Variants in KLHL1 observed in about 807,000 individuals in gnomAD.
KLHL1 encodes the protein kelch like family member 1.
A neutral mutation model predicts 77.7 loss-of-function variants in KLHL1; 47 were observed. The ratio of observed to expected loss-of-function variants is 0.60; its 90% CI spans 0.48 to 0.77. KLHL1 has a LOEUF of 0.77. Among genes scored for constraint, KLHL1 ranks in the 30% least tolerant of loss-of-function variants. KLHL1 has a pLI of 0.00. For synonymous variants in KLHL1, 360 were observed against 325.2 expected (o/e 1.11, Z -1.15); for missense variants, 925 against 910.8 (o/e 1.02, Z -0.20).
At chr13:69,947,793 T>C (rs1268494496) in intron 3 of KLHL1, among the ~76,000 whole-genome samples, 1 of 152,172 alleles carries the variant, frequency 6.6e-6, no homozygotes, top group African/African-American at 2.4e-5. Flanking sequence ...ACCTCATGCA[T>C]GCTGTATTTC....
intron 3 of KLHL1, among the ~76,000 whole-genome samples, chr13:69,945,096 C>T (rs533746021): frequency 9.5e-4 from 142 of 149,318 alleles, no homozygotes; most frequent in Middle Eastern, 6.8e-3. Context: ...AGTGATTCTC[C>T]TGCCTCAGCC....
At chr13:70,028,663 G>A (rs1303633028) in intron 1 of KLHL1, among the ~76,000 whole-genome samples, 1 of 152,080 alleles carries the variant, frequency 6.6e-6, no homozygotes, top group African/African-American at 2.4e-5. Flanking sequence ...TTTTCAGGGA[G>A]CATTAGTGGG....
intron 9 of KLHL1, among the ~76,000 whole-genome samples, chr13:69,709,052 C>T (rs1875758837): frequency 6.6e-6 from 1 of 152,052 alleles, no homozygotes; most frequent in Non-Finnish European, 1.5e-5. Flanking sequence ...AATTTGCACA[C>T]TGTGGTTGGG....
At chr13:69,967,694 G>C (rs1159406522) in intron 2 of KLHL1, among the ~76,000 whole-genome samples, 1 of 152,072 alleles carries the variant, frequency 6.6e-6, no homozygotes, top group Non-Finnish European at 1.5e-5. Context: ...AGATCAGCCT[G>C]GCCAAGATGG....
At chr13:69,705,665 C>G (rs1054526116) in intron 10 of KLHL1, among the ~76,000 whole-genome samples, 1 of 151,556 alleles carries the variant, frequency 6.6e-6, no homozygotes, top group Non-Finnish European at 1.5e-5. Flanking sequence ...GATACAGAAG[C>G]AAAATCTTAA....
At chr13:70,057,782 C>CAAAAA (rs60920874) in intron 1 of KLHL1, among the ~76,000 whole-genome samples, 124 of 60,612 alleles carry the variant, frequency 2.0e-3, no homozygotes, top group Admixed American at 3.9e-3. Context: ...GACTCCGTCT[C>CAAAAA]AAAAAAAAAA....
chr13:70,067,518 T>C (rs1331094447), intron 1 of KLHL1, among the ~76,000 whole-genome samples: 6 of 152,088 alleles, frequency 3.9e-5, no homozygotes, highest in Admixed American at 2.6e-4. Context: ...GATACGCAGA[T>C]GATCTCAGGC....
chr13:69,855,866 T>A (rs868264207), intron 5 of KLHL1, among the ~76,000 whole-genome samples: 30 of 69,250 alleles, frequency 4.3e-4, no homozygotes, highest in Non-Finnish European at 2.0e-4. Context: ...TATAATATAT[T>A]ATATATTATA....
intron 2 of KLHL1, among the ~76,000 whole-genome samples, chr13:69,962,282 A>C (rs1025185806): frequency 6.6e-6 from 1 of 151,938 alleles, no homozygotes; most frequent in Non-Finnish European, 1.5e-5. Context: ...GTTAGAATTT[A>C]TTAATTGAGA....
intron 3 of KLHL1, among the ~76,000 whole-genome samples, chr13:69,952,405 T>G (rs936029126): frequency 2.0e-5 from 3 of 151,414 alleles, no homozygotes; most frequent in African/African-American, 7.3e-5. Context: ...TTAGAATTTC[T>G]TTATTAACTT....
At chr13:69,961,231 CG>C in intron 3 of KLHL1, 76 bp downstream of exon 3, 3 of 1,358,228 alleles carry the variant, frequency 2.2e-6, no homozygotes, top group Non-Finnish European at 3.0e-6. Context: ...TTTAAAAAAG[CG>C]TTAAATCCTG....
chr13:69,982,949 T>C (rs556425891), intron 1 of KLHL1, among the ~76,000 whole-genome samples: 7 of 152,250 alleles, frequency 4.6e-5, no homozygotes, highest in Non-Finnish European at 8.8e-5. Flanking sequence ...TATGATTTTA[T>C]ATGTAGAAAA....
At chr13:70,044,063 C>T (rs1053620079) in intron 1 of KLHL1, among the ~76,000 whole-genome samples, 1 of 152,098 alleles carries the variant, frequency 6.6e-6, no homozygotes, top group Non-Finnish European at 1.5e-5. Flanking sequence ...AATGGTTTCC[C>T]ATGGTACTTA....
chr13:69,829,083 G>GA (rs1267173841), intron 6 of KLHL1, among the ~76,000 whole-genome samples: 3 of 150,586 alleles, frequency 2.0e-5, no homozygotes, highest in Non-Finnish European at 2.9e-5. Flanking sequence ...TATATCAGCT[G>GA]ATGCTCTCTT....
At chr13:69,983,607 A>G (rs1445836097) in intron 1 of KLHL1, among the ~76,000 whole-genome samples, 2 of 110,382 alleles carry the variant, frequency 1.8e-5, no homozygotes, top group Non-Finnish European at 3.4e-5. Context: ...AGAAGAAGAG[A>G]AAAAAAAAAA....
chr13:69,989,019 G>A (rs1200942631), intron 1 of KLHL1, among the ~76,000 whole-genome samples: 4 of 151,910 alleles, frequency 2.6e-5, no homozygotes, highest in Non-Finnish European at 5.9e-5. Context: ...GCATTTTAAC[G>A]ATGAAATCTT....
chr13:69,867,495 G>A (rs1216992744), intron 5 of KLHL1, among the ~76,000 whole-genome samples: 2 of 151,862 alleles, frequency 1.3e-5, no homozygotes, highest in African/African-American at 4.8e-5. Flanking sequence ...GTAATAGAAT[G>A]TCTTTTATAT....
Position 70,082,379 on chromosome 13 carries a change from T to C in KLHL1, c.497+24824A>G, listed in dbSNP as rs556182001. ...CACACACACACACACAAAGGAACCATAGTAGGTAGTTGCTCTAGGTGGATA... is the reference window on the plus strand; with the variant it reads ...CACACACACACACACAAAGGAACCACAGTAGGTAGTTGCTCTAGGTGGATA... On this transcript the variant is annotated intron_variant, in intron 1 of 10. Coordinates refer to ENST00000377844, the MANE Select transcript of KLHL1 (RefSeq NM_020866.3). Among the ~76,000 whole-genome samples the C allele has an allele frequency of 1.3e-3, 177 of 137,614 alleles. 1 individual carries two copies. The highest frequency in any genetic ancestry group is 4.4e-3 in the African/African-American group (159 of 36,340). 90.3% of individuals were successfully genotyped at this position (137,614 alleles called of 152,430 possible).
At chr13:69,705,082 C>A (rs896185234) in intron 10 of KLHL1, among the ~76,000 whole-genome samples, 3 of 151,622 alleles carry the variant, frequency 2.0e-5, no homozygotes, top group Non-Finnish European at 4.4e-5. Context: ...GTCTTTGATT[C>A]CTTATGACCT....
Sources: gnomAD v4.1 joint callset for allele counts (sites outside exome capture counted in the v4.1 genomes callset) on GRCh38, gnomAD v4.1.1 for gene constraint, MANE v1.5 for transcripts, NCBI Gene and HGNC (gene_info 2026-07-23, HGNC 2026-07-21) for gene names.